LPAR6: variants seen among roughly 807,000 people sequenced by gnomAD.
LPAR6 encodes G-protein coupled purinergic receptor P2Y5.
Under a neutral mutation model 22.0 loss-of-function variants are expected in LPAR6, and 17 were observed. That is an observed-to-expected ratio of 0.77 (90% CI 0.53 to 1.16). LPAR6 has a LOEUF of 1.16. LPAR6 is among the 50% of genes most tolerant of loss of function. The pLI, the probability that LPAR6 is intolerant of heterozygous loss-of-function variation, is 0.00. For missense variants in LPAR6, 384 were observed against 406.9 expected (o/e 0.94, Z 0.48); for synonymous variants, 136 against 139.8 (o/e 0.97, Z 0.19).
In LPAR6 at chr13:48,411,828, A is replaced by T. The variant is rs1948810884; in HGVS notation, c.596T>A (p.Leu199Ter). The change falls in exon 1 of 1, where the codon TTA (leucine) becomes TAA (stop). Residue 199 changes from leucine (L) to a stop codon, truncating the protein, a stop_gained. Transcript: ENST00000620633. LOFTEE classifies it high-confidence loss of function. ...CACCATACTAGAACAAGTTACATTT[A>T]AAATTAGAGGAATAAAAAATCCCAC... ...EIVGFFIPLI[L>*]NVTCSSMVLK... 1 of 1,612,916 alleles carries T rather than the reference A, an allele frequency of 6.2e-7. No individual in the cohort carries two copies. The highest frequency in any genetic ancestry group is 1.3e-5 in the African/African-American group (1 of 75,030).
intron 1 of LPAR6, chr13:48,391,356 C>G (rs1164708923): frequency 6.6e-6 from 1 of 152,140 alleles, no homozygotes; most frequent in East Asian, 1.9e-4. Flanking sequence ...AAAGAGAATT[C>G]AAAACAAGAG....
At chr13:48,398,911 A>G (rs1948668478) in intron 1 of LPAR6, among the ~76,000 whole-genome samples, 1 of 152,132 alleles carries the variant, frequency 6.6e-6, no homozygotes, top group African/African-American at 2.4e-5. Flanking sequence ...AGGGAAAAGT[A>G]ACATTTGTTG....
rs948024662 is a variant in LPAR6, at chr13:48,412,561, C to G, written c.-138G>C. On this transcript the variant is annotated 5_prime_UTR_variant, in exon 1 of 1. Coordinates refer to ENST00000620633, the MANE Select transcript of LPAR6 (RefSeq NM_001162498.3). ...CTTTGGATGGTTTTATAAATATTTC[C>G]TTTTTCTCAGAAATACCCAAAAGAA... 3 of 686,282 alleles carry G rather than the reference C, an allele frequency of 4.4e-6. No individual in the cohort carries two copies. Among genetic ancestry groups the G allele is most frequent in the Non-Finnish European group, 7.9e-6 (3 of 379,084 alleles). 42.5% of individuals were successfully genotyped at this position (686,282 alleles called of 1,614,324 possible). A position where few individuals can be genotyped will look rare whatever the true frequency, so the allele number is the denominator to read the frequency against.
intron 1 of LPAR6, among the ~76,000 whole-genome samples, chr13:48,393,102 G>T (rs181669786): frequency 6.6e-6 from 1 of 152,226 alleles, no homozygotes; most frequent in East Asian, 1.9e-4. Flanking sequence ...GTTGAAAGCA[G>T]AACTCTTCCT....
At chr13:48,402,466 C>T (rs1433720568) in intron 1 of LPAR6, among the ~76,000 whole-genome samples, 1 of 143,208 alleles carries the variant, frequency 7.0e-6, no homozygotes, top group African/African-American at 2.5e-5. Flanking sequence ...AAGCCTTGAA[C>T]TCTTGGGCTC....
chr13:48,411,461 A>G lies in LPAR6; in HGVS notation c.963T>C (p.Gly321=). The G allele has an allele frequency of 6.2e-7, 1 of 1,613,364 alleles. No homozygotes were observed. The highest frequency in any genetic ancestry group is 8.5e-7 in the Non-Finnish European group (1 of 1,179,630). The change falls in exon 1 of 1, where the codon GGT becomes GGC. Residue 321 remains glycine (G), a synonymous_variant. Transcript: ENST00000620633. ...GGTTATGCTGAATAAAATTCTCTGC[A>G]CCATGAACTTCAGAGAATCTGAAGT... ...RSDFRFSEVH[G]AENFIQHNLQ...
chr13:48,417,420 A>G (rs1012103212), upstream of LPAR6: 1 of 152,242 alleles, frequency 6.6e-6, no homozygotes, highest in Non-Finnish European at 1.5e-5. Flanking sequence ...ACCCCATTTG[A>G]AGGTCACCAA....
At chr13:48,400,978 A>G (rs181976082) in intron 1 of LPAR6, among the ~76,000 whole-genome samples, 27 of 152,204 alleles carry the variant, frequency 1.8e-4, no homozygotes, top group Non-Finnish European at 3.4e-4. Flanking sequence ...AAAATGGAAA[A>G]AGTTCAGGGG....
chr13:48,395,829 C>T (rs952490155), intron 1 of LPAR6, among the ~76,000 whole-genome samples: 2 of 152,092 alleles, frequency 1.3e-5, no homozygotes, highest in African/African-American at 2.4e-5. Flanking sequence ...TCCAAGAGAA[C>T]ATCCCCAACC....
rs1355989591 is a variant in LPAR6 at position 48,412,923 on chromosome 13, A to G, written c.-500T>C. 1 of 169,482 alleles carries G rather than the reference A, an allele frequency of 5.9e-6. No individual in the cohort carries two copies. The highest frequency in any genetic ancestry group is 1.4e-5 in the Non-Finnish European group (1 of 69,992). 10.5% of individuals were successfully genotyped at this position (169,482 alleles called of 1,614,324 possible). A position where few individuals can be genotyped will look rare whatever the true frequency, so the allele number is the denominator to read the frequency against. On this transcript the variant is annotated 5_prime_UTR_variant, in exon 1 of 1. Transcript: ENST00000620633. ...AGTTTCAGAGACTTAAACATTCCCA[A>G]TTTGTCCCATTTTACTTCTTGCTTC...
At position 48,425,895 on chromosome 13, in the gene LPAR6, G is replaced by C. The variant is rs74572065; in HGVS notation, c.-1095+964C>G. On this transcript the variant is annotated intron_variant, in intron 1 of 4. Transcript: ENST00000345941. ...ACAGACCAAGAAACTAAAATTCAGA[G>C]AAGTTGTGACTTGCTTAGGATTACA... Among the ~76,000 whole-genome samples the C allele has an allele frequency of 8.2e-3, 1,253 of 152,290 alleles. 15 individuals carry two copies. Among genetic ancestry groups the C allele is most frequent in the African/African-American group, 0.029 (1,196 of 41,552 alleles).
rs1037938381 is a variant in LPAR6 at position 48,391,937 on chromosome 13, GT to G, written n.115-2126del. On this transcript the variant is annotated intron_variant and non_coding_transcript_variant, in intron 1 of 1. Coordinates refer to the LPAR6 transcript ENST00000462781. ...ACCCAGCCAACAAAAAACATTTCTT[GT>G]GTGCATGTCTACTAGTGATGAATTC... Among the ~76,000 whole-genome samples, 4 of 152,122 alleles carry G rather than the reference GT, an allele frequency of 2.6e-5. No homozygotes were observed. In the East Asian group the frequency reaches 7.8e-4, roughly 29 times the overall value.
chr13:48,395,325 C>A (rs1302985241), intron 1 of LPAR6, among the ~76,000 whole-genome samples: 1 of 152,066 alleles, frequency 6.6e-6, no homozygotes, highest in African/African-American at 2.4e-5. Context: ...ATTCCAAAAA[C>A]CAGAGCGCCT....
At chr13:48,401,604 A>G (rs558419591) in intron 1 of LPAR6, among the ~76,000 whole-genome samples, 186 of 152,298 alleles carry the variant, frequency 1.2e-3, no homozygotes, top group African/African-American at 4.3e-3. Context: ...GTCTGTTTCA[A>G]CATACACATT....
At chr13:48,393,539 A>G (rs997184466) in intron 1 of LPAR6, among the ~76,000 whole-genome samples, 13 of 152,190 alleles carry the variant, frequency 8.5e-5, no homozygotes, top group Admixed American at 4.6e-4. Flanking sequence ...GGTTGTTTAA[A>G]CGAATCTGGT....
rs184680223 is a variant in LPAR6, at chr13:48,395,252, A to G, written n.115-5440T>C. On this transcript the variant is annotated intron_variant and non_coding_transcript_variant, in intron 1 of 1. Transcript: ENST00000462781. ...GAAACCCCATTTGAAGGTCATCAAC[A>G]TCAAAGACCAAAGGTAGATAAATCC... Among the ~76,000 whole-genome samples the G allele has an allele frequency of 1.4e-4, 22 of 152,324 alleles. No individual in the cohort carries two copies. The East Asian group carries it at 3.7e-3, about 25-fold the overall frequency.
upstream of LPAR6, among the ~76,000 whole-genome samples, chr13:48,431,000 A>AGGG (rs1293559828): frequency 6.6e-6 from 1 of 152,228 alleles, no homozygotes; most frequent in African/African-American, 2.4e-5. Flanking sequence ...AAAAAAAGAT[A>AGGG]GGTTTGACTA....
chr13:48,423,905 A>C (rs935730411), intron 1 of LPAR6: 2 of 152,422 alleles, frequency 1.3e-5, no homozygotes, highest in African/African-American at 4.8e-5. Flanking sequence ...CCTGGGCAAC[A>C]TAACGAGACA....
At chr13:48,425,234 T>C (rs1431787710) in intron 1 of LPAR6, among the ~76,000 whole-genome samples, 1 of 152,216 alleles carries the variant, frequency 6.6e-6, no homozygotes, top group Non-Finnish European at 1.5e-5. Flanking sequence ...TTTCAGGTCT[T>C]GAAGGCTAGA....
Sources: allele counts gnomAD v4.1 joint callset (sites outside exome capture counted in the v4.1 genomes callset), GRCh38; gene constraint gnomAD v4.1.1; transcripts MANE v1.5; gene names NCBI Gene and HGNC (gene_info 2026-07-23, HGNC 2026-07-21).